The following PREX2 variants were observed in gnomAD, a reference collection of about 807,000 sequenced individuals.
PREX2 encodes the protein phosphatidylinositol-3,4,5-trisphosphate dependent Rac exchange factor 2.
In PREX2, 107 loss-of-function variants were observed where a neutral mutation model predicts 203.2. The ratio of observed to expected loss-of-function variants is 0.53; its 90% CI spans 0.45 to 0.62. The LOEUF (loss-of-function observed/expected upper bound fraction) is 0.62, where lower values mean the gene tolerates loss of function less well. Among genes scored for constraint, PREX2 ranks in the 20% least tolerant of loss-of-function variants. The probability of loss-of-function intolerance (pLI) is 0.00; values close to 1 mark genes in which losing one functional copy is unlikely to be tolerated. For missense variants in PREX2, 1,777 were observed against 1,955.9 expected, an observed-to-expected ratio of 0.91 and a Z score of 1.72; for synonymous variants, 672 against 663.6, an observed-to-expected ratio of 1.01 and a Z score of -0.19.
intron 13 of PREX2, among the ~76,000 whole-genome samples, 157 bp downstream of exon 13, chr8:68,070,041 T>C (rs1809152181): frequency 6.6e-6 from 1 of 151,938 alleles, no homozygotes; most frequent in Non-Finnish European, 1.5e-5. Context: ...AAAATATCCC[T>C]ACATTTTCTT....
chr8:68,028,201 T>TATGC (rs1409658798), intron 5 of PREX2, among the ~76,000 whole-genome samples: 1 of 151,906 alleles, frequency 6.6e-6, no homozygotes, highest in Non-Finnish European at 1.5e-5. Context: ...TGTATGTATG[T>TATGC]ATGCATGTGT....
chr8:68,046,176 C>T (rs1444398596), intron 8 of PREX2, among the ~76,000 whole-genome samples: 1 of 152,006 alleles, frequency 6.6e-6, no homozygotes, highest in Non-Finnish European at 1.5e-5. Context: ...GCCTTATTTC[C>T]TGAGAGATTG....
chr8:68,162,500 T>C (rs1811676015), intron 35 of PREX2, among the ~76,000 whole-genome samples: 2 of 152,246 alleles, frequency 1.3e-5, no homozygotes, highest in Admixed American at 6.5e-5. Context: ...TTTAAATTAC[T>C]GAAAAGAATT....
intron 1 of PREX2, among the ~76,000 whole-genome samples, chr8:67,955,026 C>T (rs1252599497): frequency 6.6e-6 from 1 of 151,586 alleles, no homozygotes; most frequent in Non-Finnish European, 1.5e-5. Context: ...CACCTTTAAT[C>T]CCAGTTACTC....
chr8:68,097,627 AT>A lies in PREX2; in HGVS notation c.2553+428del, dbSNP rs1810125234. On this transcript the variant is annotated intron_variant, in intron 22 of 39. Coordinates refer to ENST00000288368, the MANE Select transcript of PREX2 (RefSeq NM_024870.4). The stretch of plus-strand genomic sequence containing the variant: ...GGCGTGAGCCGCTGTGCCCAGCCTC[AT>A]TCAATTTCTTATTTTTCTCCCCCTC... 2.0e-5 allele frequency among the ~76,000 whole-genome samples: 3 copies of A among 152,184 alleles called. No homozygotes were observed. In the East Asian group the frequency reaches 5.8e-4, roughly 29 times the overall value.
intron 5 of PREX2, among the ~76,000 whole-genome samples, chr8:68,028,391 A>G (rs972626135): frequency 6.6e-6 from 1 of 152,012 alleles, no homozygotes; most frequent in African/African-American, 2.4e-5. Flanking sequence ...TGGCATCTAA[A>G]CTTCACAAAA....
At chr8:68,140,027 T>C (rs947589176) in intron 33 of PREX2, among the ~76,000 whole-genome samples, 1 of 152,200 alleles carries the variant, frequency 6.6e-6, no homozygotes, top group Admixed American at 6.5e-5. Flanking sequence ...TGTAAGTTCA[T>C]AGGAGTACTG....
intron 1 of PREX2, among the ~76,000 whole-genome samples, chr8:67,992,293 C>T (rs1260075687): frequency 6.6e-6 from 1 of 152,148 alleles, no homozygotes; most frequent in Non-Finnish European, 1.5e-5. Context: ...ATAGATTGAC[C>T]ATTTGTTAAG....
At chr8:68,199,561 A>AT (rs1295929165) in intron 37 of PREX2, among the ~76,000 whole-genome samples, 1 of 152,232 alleles carries the variant, frequency 6.6e-6, no homozygotes, top group African/African-American at 2.4e-5. Flanking sequence ...AAAAAGTGAA[A>AT]TTTATAAGGG....
chr8:68,212,029 G>A (rs11781200), intron 37 of PREX2, among the ~76,000 whole-genome samples: 26,266 of 152,054 alleles, frequency 0.17, 4,117 homozygotes, highest in East Asian at 0.47. Context: ...ATGTCAACCA[G>A]AGAAGTAACT....
intron 6 of PREX2, 45 bp downstream of exon 6, chr8:68,030,703 T>C (rs760198349): frequency 6.3e-7 from 1 of 1,590,334 alleles, no homozygotes; most frequent in Non-Finnish European, 8.6e-7. Flanking sequence ...TAGTTTTATG[T>C]TGCAGGCCTC....
intron 7 of PREX2, among the ~76,000 whole-genome samples, chr8:68,039,895 C>T (rs1808143820): frequency 6.6e-6 from 1 of 152,186 alleles, no homozygotes; most frequent in Admixed American, 6.6e-5. Context: ...AACTGACCCA[C>T]CATATCTTTT....
At chr8:68,058,742 C>G (rs1393859600) in intron 10 of PREX2, among the ~76,000 whole-genome samples, 1 of 152,088 alleles carries the variant, frequency 6.6e-6, no homozygotes, top group Non-Finnish European at 1.5e-5. Flanking sequence ...GCCCGACATT[C>G]TTAATATTAT....
chr8:67,966,912 T>C (rs1230343473), intron 1 of PREX2, among the ~76,000 whole-genome samples: 1 of 152,206 alleles, frequency 6.6e-6, no homozygotes, highest in Non-Finnish European at 1.5e-5. Context: ...CCTGCTTTCA[T>C]GGAGCTCTGA....
chr8:68,038,200 T>C lies in PREX2; in HGVS notation c.747T>C (p.Cys249=). 1 of 1,613,902 alleles carries C rather than the reference T, an allele frequency of 6.2e-7. No individual in the cohort carries two copies. The highest frequency in any genetic ancestry group is 8.5e-7 in the Non-Finnish European group (1 of 1,179,794). Residue 249 remains cysteine, a synonymous_variant, in exon 7 of 40, where the codon TGT becomes TGC. Transcript: ENST00000288368. ...ACACCTGCACTGAAATGCTAATGTG[T>C]GGAGTCTTACTGAAAATTTCTTCTG... is the stretch of plus-strand genomic sequence containing the variant. ...ITDTCTEMLM[C]GVLLKISSGN... is the part of the protein sequence containing the mutation.
At chr8:68,217,822 C>A (rs1812873759) in intron 38 of PREX2, 104 bp downstream of exon 38, 1 of 816,118 alleles carries the variant, frequency 1.2e-6, no homozygotes, top group Non-Finnish European at 2.0e-6. Context: ...ATGTGATGGA[C>A]AGTTTACTAG....
chr8:68,085,781 A>C (rs571840926), intron 18 of PREX2, among the ~76,000 whole-genome samples: 20 of 152,322 alleles, frequency 1.3e-4, no homozygotes, highest in African/African-American at 4.6e-4. Flanking sequence ...GGAAAAAATA[A>C]TTCTCTTAAA....
Position 68,231,339 on chromosome 8 carries a change from C to T in PREX2, c.4782C>T (p.Tyr1594=), listed in dbSNP as rs1470529083. 1 of 1,597,500 alleles carries T rather than the reference C, an allele frequency of 6.3e-7. No homozygotes were observed. The highest frequency in any genetic ancestry group is 1.3e-5 in the African/African-American group (1 of 74,206). ...TTTACCATGCCTTTTCTAGGCTGTA[C>T]AAGCTGTGCGAGCCACCTCCCCCAG... ...DRTPQSAPRL[Y]KLCEPPPPAG... The change falls in exon 40 of 40, where the codon TAC becomes TAT. Residue 1594 remains tyrosine, a synonymous_variant. Transcript: ENST00000288368.
chr8:68,161,105 T>TTG (rs1811644064), intron 35 of PREX2, among the ~76,000 whole-genome samples: 1 of 151,952 alleles, frequency 6.6e-6, no homozygotes. Context: ...TTCTTTTTTT[T>TTG]TGGGGGGGGG....
Sources: allele counts gnomAD v4.1 joint callset (sites outside exome capture counted in the v4.1 genomes callset), GRCh38; gene constraint gnomAD v4.1.1; transcripts MANE v1.5; gene names NCBI Gene and HGNC (gene_info 2026-07-23, HGNC 2026-07-21).